The following GRIK1 variants were observed in gnomAD, a reference collection of about 807,000 sequenced individuals.
The protein encoded by GRIK1 is glutamate ionotropic receptor kainate type subunit 1.
Under a neutral mutation model 105.7 loss-of-function variants are expected in GRIK1, and 69 were observed. The observed-to-expected ratio is 0.65, with a 90% CI of 0.54 to 0.80. The LOEUF (loss-of-function observed/expected upper bound fraction) is 0.80, where lower values mean the gene tolerates loss of function less well. Ranked by LOEUF, GRIK1 falls within the 30% of genes least tolerant of loss-of-function variation. The probability of loss-of-function intolerance (pLI) is 0.00; values close to 1 mark genes in which losing one functional copy is unlikely to be tolerated. For missense variants in GRIK1, 1,109 were observed against 1,167.3 expected (o/e 0.95, Z 0.73); for synonymous variants, 438 against 431.3 (o/e 1.02, Z -0.19).
intron 11 of GRIK1, 58 bp from the exon 12 acceptor site, chr21:29,587,647 C>T (rs1014964426): frequency 1.1e-5 from 10 of 944,602 alleles, no homozygotes; most frequent in Non-Finnish European, 1.7e-5. Flanking sequence ...AATGTCTAGA[C>T]TTTTCCTGGG....
chr21:29,745,162 G>C (rs2065019881), intron 1 of GRIK1, among the ~76,000 whole-genome samples: 2 of 152,188 alleles, frequency 1.3e-5, no homozygotes, highest in South Asian at 2.1e-4. Flanking sequence ...TAAAACAAGA[G>C]AGTATGTTGG....
chr21:29,690,077 T>C lies in GRIK1; in HGVS notation c.287-92A>G, dbSNP rs1478622263. The C allele has an allele frequency of 7.1e-6, 7 of 991,234 alleles. No homozygotes were observed. The African/African-American group carries it at 8.1e-5, about 12-fold the overall frequency. 61.4% of individuals were successfully genotyped at this position (991,234 alleles called of 1,614,324 possible). A position where few individuals can be genotyped will look rare whatever the true frequency, so the allele number is the denominator to read the frequency against. On this transcript the variant is annotated intron_variant, in intron 2 of 17. Coordinates refer to ENST00000327783, the MANE Select transcript of GRIK1 (RefSeq NM_001330994.2). ...TCTATGAATTTAATTTTTTCTTTCA[T>C]GATTCCTCTTTTTAATGCAACTATT...
At chr21:29,636,572 A>G (rs1047707649) in intron 7 of GRIK1, among the ~76,000 whole-genome samples, 6 of 152,230 alleles carry the variant, frequency 3.9e-5, no homozygotes, top group Non-Finnish European at 7.3e-5. Context: ...CCAAGTGGAA[A>G]TTTCCAGAAG....
chr21:29,922,276 T>C (rs1296122549), intron 1 of GRIK1, among the ~76,000 whole-genome samples: 8 of 152,182 alleles, frequency 5.3e-5, no homozygotes, highest in Admixed American at 5.2e-4. Flanking sequence ...ATAAAGAATA[T>C]CTGAATTTTT....
intron 3 of GRIK1, among the ~76,000 whole-genome samples, chr21:29,689,312 C>G (rs1428219965): frequency 6.6e-6 from 1 of 152,124 alleles, no homozygotes; most frequent in Non-Finnish European, 1.5e-5. Context: ...AAATGAATTC[C>G]TCTTTGTTAA....
chr21:29,697,039 C>T (rs569050312), intron 1 of GRIK1, among the ~76,000 whole-genome samples: 64 of 152,294 alleles, frequency 4.2e-4, no homozygotes, highest in African/African-American at 1.5e-3. Flanking sequence ...GAAGATTACA[C>T]ATTACATCCT....
intron 1 of GRIK1, among the ~76,000 whole-genome samples, chr21:29,773,859 A>C (rs2065875371): frequency 6.6e-6 from 1 of 152,178 alleles, no homozygotes. Context: ...AATTTAAACT[A>C]CATTCATTCA....
intron 14 of GRIK1, among the ~76,000 whole-genome samples, chr21:29,575,549 C>T (rs545641824): frequency 1.3e-5 from 2 of 152,066 alleles, no homozygotes; most frequent in Non-Finnish European, 2.9e-5. Context: ...AAAAAATACC[C>T]CTGGCTGAGC....
intron 3 of GRIK1, among the ~76,000 whole-genome samples, chr21:29,682,781 T>A (rs1205184112): frequency 2.0e-5 from 3 of 152,110 alleles, no homozygotes; most frequent in African/African-American, 4.8e-5. Context: ...CATTGACAAG[T>A]GGGACCCAAT....
intron 1 of GRIK1, among the ~76,000 whole-genome samples, chr21:29,735,016 C>T (rs2064753385): frequency 6.6e-6 from 1 of 152,190 alleles, no homozygotes. Flanking sequence ...CAAGTCAGAG[C>T]ACACTCAAAA....
At chr21:29,560,570 T>TTCTTTCTTTCTC (rs2146170506) in intron 15 of GRIK1, among the ~76,000 whole-genome samples, 1 of 124,842 alleles carries the variant, frequency 8.0e-6, no homozygotes, top group South Asian at 2.4e-4. Context: ...CTTTCTTTCT[T>TTCTTTCTTTCTC]TCTTTCTCTC....
chr21:29,756,153 G>A (rs921039750), intron 1 of GRIK1, among the ~76,000 whole-genome samples: 12 of 152,136 alleles, frequency 7.9e-5, no homozygotes, highest in African/African-American at 2.7e-4. Context: ...AGGCCGAGGC[G>A]GGCGGATCAC....
At chr21:29,714,321 G>T (rs147035927) in intron 1 of GRIK1, among the ~76,000 whole-genome samples, 1 of 152,036 alleles carries the variant, frequency 6.6e-6, no homozygotes, top group Non-Finnish European at 1.5e-5. Flanking sequence ...AATATCAAAT[G>T]CTATAATAAA....
At chr21:29,638,679 A>G (rs1360390740) in intron 7 of GRIK1, among the ~76,000 whole-genome samples, 1 of 152,240 alleles carries the variant, frequency 6.6e-6, no homozygotes, top group Non-Finnish European at 1.5e-5. Flanking sequence ...AGTGGACTGA[A>G]TTATACATGT....
intron 16 of GRIK1, 114 bp downstream of exon 16, chr21:29,554,938 T>TAG: frequency 1.2e-6 from 1 of 864,922 alleles, no homozygotes; most frequent in Non-Finnish European, 1.8e-6. Context: ...AAAATGGCTC[T>TAG]TCTGGGCATC....
chr21:29,833,390 TAGTC>T, intron 1 of GRIK1, among the ~76,000 whole-genome samples: 1 of 152,314 alleles, frequency 6.6e-6, no homozygotes, highest in Middle Eastern at 3.4e-3. Context: ...TTTTCTGTAT[TAGTC>T]AGTTATCTCA....
intron 1 of GRIK1, among the ~76,000 whole-genome samples, chr21:29,720,643 G>A (rs928847369): frequency 6.6e-6 from 1 of 152,092 alleles, no homozygotes; most frequent in Non-Finnish European, 1.5e-5. Flanking sequence ...TCGGTTTACA[G>A]CAGTCACCTC....
chr21:29,689,767 T>C lies in GRIK1; in HGVS notation c.505A>G (p.Asn169Asp). The C allele has an allele frequency of 6.2e-7, 1 of 1,613,894 alleles. No homozygotes were observed. Among genetic ancestry groups the C allele is most frequent in the East Asian group, 2.2e-5 (1 of 44,886 alleles). ...RAILDLVLYYNWKTVTVVYED... is the reference protein window; with the variant it reads ...RAILDLVLYYDWKTVTVVYED... ...TACACCACTGTCACTGTTTTCCAGT[T>C]GTAATAGAGGACCAGATCCAGGATC... Residue 169 changes from asparagine to aspartate, a missense_variant, in exon 3 of 18, where the codon AAC becomes GAC. Asn to Asp is a conservative substitution (Grantham distance 23). Around this residue, in one of 5 missense-constraint regions of GRIK1, gnomAD observed 612 missense variants for 586.0 expected, o/e 1.04. Coordinates refer to ENST00000327783, the MANE Select transcript of GRIK1 (RefSeq NM_001330994.2).
intron 1 of GRIK1, among the ~76,000 whole-genome samples, chr21:29,828,009 CTCTG>C (rs1021452042): frequency 1.0e-4 from 7 of 68,424 alleles, no homozygotes; most frequent in East Asian, 1.1e-3. Flanking sequence ...CTCTGTCTCT[CTCTG>C]TGTGTGTGTG....
Sources: allele counts gnomAD v4.1 joint callset (sites outside exome capture counted in the v4.1 genomes callset), GRCh38; gene constraint gnomAD v4.1.1; regional missense constraint gnomAD v4.1.1; transcripts MANE v1.5; gene names NCBI Gene and HGNC (gene_info 2026-07-23, HGNC 2026-07-21).